KAZN: variants seen among roughly 807,000 people sequenced by gnomAD.
KAZN encodes kazrin.
KAZN carries 40 observed loss-of-function variants against 87.4 expected under a neutral mutation model. The ratio of observed to expected loss-of-function variants is 0.46; its 90% CI spans 0.36 to 0.60. The LOEUF is 0.60. Ranked by LOEUF, KAZN falls within the 20% of genes least tolerant of loss-of-function variation. KAZN has a pLI of 0.00. For missense variants in KAZN, 898 were observed against 1,073.9 expected (o/e 0.84, Z 2.29); for synonymous variants, 466 against 458.3 (o/e 1.02, Z -0.22).
chr1:14,772,238 T>C (rs1437777208), intron 1 of KAZN, among the ~76,000 whole-genome samples: 2 of 152,110 alleles, frequency 1.3e-5, no homozygotes, highest in African/African-American at 4.8e-5. Flanking sequence ...ATCCTGGCAC[T>C]TTGGGAGGCC....
chr1:14,681,633 A>ATG (rs1640612505), intron 1 of KAZN, among the ~76,000 whole-genome samples: 1 of 17,406 alleles, frequency 5.7e-5, no homozygotes, highest in African/African-American at 2.5e-4. Context: ...ATATATATAT[A>ATG]TATATATATA....
intron 1 of KAZN, among the ~76,000 whole-genome samples, chr1:14,956,192 G>T (rs1188783426): frequency 6.6e-6 from 1 of 151,640 alleles, no homozygotes; most frequent in African/African-American, 2.4e-5. Flanking sequence ...CCCCGGCCAG[G>T]CCTGGGTTTG....
intron 1 of KAZN, among the ~76,000 whole-genome samples, chr1:13,910,630 C>T (rs12729436): frequency 0.075 from 11,458 of 152,028 alleles, 618 homozygotes; most frequent in Non-Finnish European, 0.11. Flanking sequence ...AGAAGCAGAG[C>T]GGATGCTAGC....
intron 2 of KAZN, among the ~76,000 whole-genome samples, chr1:14,381,906 T>C (rs142195614): frequency 1.3e-5 from 2 of 152,272 alleles, no homozygotes; most frequent in East Asian, 1.9e-4. Flanking sequence ...TTGAAGATGA[T>C]ACAATCTTAT....
At chr1:14,804,062 G>T (rs764981784) in intron 1 of KAZN, among the ~76,000 whole-genome samples, 6 of 152,166 alleles carry the variant, frequency 3.9e-5, no homozygotes, top group Non-Finnish European at 8.8e-5. Flanking sequence ...GCCAGCTCCT[G>T]GCCTAGCAAG....
chr1:13,966,947 T>C (rs1470825796), intron 1 of KAZN, among the ~76,000 whole-genome samples: 1 of 152,166 alleles, frequency 6.6e-6, no homozygotes, highest in African/African-American at 2.4e-5. Flanking sequence ...ACAGCACTGG[T>C]CTACAATGTA....
chr1:14,408,912 G>A (rs375162559), intron 2 of KAZN, among the ~76,000 whole-genome samples: 1 of 152,078 alleles, frequency 6.6e-6, no homozygotes, highest in Non-Finnish European at 1.5e-5. Context: ...ATAATGGAGG[G>A]GGGGCGTTGT....
intron 1 of KAZN, among the ~76,000 whole-genome samples, chr1:13,894,017 G>A (rs148532193): frequency 1.6e-4 from 25 of 152,284 alleles, no homozygotes; most frequent in Middle Eastern, 6.8e-3. Flanking sequence ...TTTGTCCTTC[G>A]TCATCGATTT....
intron 2 of KAZN, among the ~76,000 whole-genome samples, chr1:14,465,954 C>T (rs1668102679): frequency 6.6e-6 from 1 of 152,094 alleles, no homozygotes; most frequent in African/African-American, 2.4e-5. Context: ...TTTAGGTACA[C>T]ACAAATACTC....
chr1:14,946,627 A>G (rs924367849), intron 1 of KAZN, among the ~76,000 whole-genome samples: 4 of 152,210 alleles, frequency 2.6e-5, no homozygotes, highest in African/African-American at 9.6e-5. Flanking sequence ...TGTGAACTGC[A>G]GGCTCACCAC....
At chr1:14,238,150 T>G (rs1478987990) in intron 2 of KAZN, among the ~76,000 whole-genome samples, 1 of 152,174 alleles carries the variant, frequency 6.6e-6, no homozygotes, top group African/African-American at 2.4e-5. Flanking sequence ...CCACAGTCAA[T>G]GTAGTACCTG....
chr1:14,750,977 A>T (rs1644398493), intron 1 of KAZN, among the ~76,000 whole-genome samples: 1 of 152,216 alleles, frequency 6.6e-6, no homozygotes, highest in African/African-American at 2.4e-5. Flanking sequence ...TGTAGGGCTC[A>T]GAGTGGGAGA....
intron 2 of KAZN, among the ~76,000 whole-genome samples, chr1:14,238,217 A>G (rs550704742): frequency 6.6e-6 from 1 of 152,312 alleles, no homozygotes; most frequent in East Asian, 1.9e-4. Context: ...CAGTAGACCC[A>G]ATGCCAGACA....
rs150721166 is a variant in KAZN at position 14,511,135 on chromosome 1, T to C, written c.250-87848T>C. Among the ~76,000 whole-genome samples, 1,286 of 152,224 alleles carry C rather than the reference T, an allele frequency of 8.4e-3. 25 individuals carry two copies. Among genetic ancestry groups the C allele is most frequent in the African/African-American group, 0.03 (1,243 of 41,504 alleles). On this transcript the variant is annotated intron_variant, in intron 2 of 16. Transcript: ENST00000636203. ...GGTGGGAGGGTGGTCCCAGTTTCTA[T>C]GTTGCATGTGATATTCATTCATTTC...
At chr1:14,717,568 C>T (rs996276370) in intron 1 of KAZN, among the ~76,000 whole-genome samples, 2 of 152,184 alleles carry the variant, frequency 1.3e-5, no homozygotes, top group African/African-American at 2.4e-5. Context: ...AGAACACGCC[C>T]ATTGGATTTC....
chr1:14,681,884 G>T (rs1220502722), intron 1 of KAZN, among the ~76,000 whole-genome samples: 1 of 150,806 alleles, frequency 6.6e-6, no homozygotes, highest in Admixed American at 6.6e-5. Flanking sequence ...GTAGAGACAG[G>T]ATTTCACCAT....
intron 1 of KAZN, among the ~76,000 whole-genome samples, chr1:13,913,716 G>A (rs1003276358): frequency 1.3e-5 from 2 of 152,176 alleles, no homozygotes; most frequent in African/African-American, 2.4e-5. Flanking sequence ...CTTGGAGGGG[G>A]TGATCCTTTT....
chr1:14,502,691 T>C (rs1485206694), intron 2 of KAZN, among the ~76,000 whole-genome samples: 4 of 152,198 alleles, frequency 2.6e-5, no homozygotes, highest in Non-Finnish European at 4.4e-5. Context: ...GGGCTCCTGG[T>C]ATGTCCTGAG....
intron 2 of KAZN, among the ~76,000 whole-genome samples, chr1:14,197,241 C>A (rs1312125698): frequency 2.0e-5 from 3 of 151,792 alleles, no homozygotes; most frequent in African/African-American, 2.4e-5. Context: ...CAGAGCATAT[C>A]ATGTGTTGTT....
Sources: allele counts gnomAD v4.1 joint callset (sites outside exome capture counted in the v4.1 genomes callset), GRCh38; gene constraint gnomAD v4.1.1; transcripts MANE v1.5; gene names NCBI Gene and HGNC (gene_info 2026-07-23, HGNC 2026-07-21).